LRP4: variants seen among roughly 807,000 people sequenced by gnomAD.
The protein encoded by LRP4 is low-density lipoprotein receptor-related protein 4.
A neutral mutation model predicts 220.3 loss-of-function variants in LRP4; 95 were observed. That is an observed-to-expected ratio of 0.43 (90% CI 0.37 to 0.51). The LOEUF (loss-of-function observed/expected upper bound fraction) is 0.51, where lower values mean the gene tolerates loss of function less well. Among genes scored for constraint, LRP4 ranks in the 20% least tolerant of loss-of-function variants. The pLI is 0.00. For synonymous variants in LRP4, 903 were observed against 954.6 expected (o/e 0.95, Z 1.00); for missense variants, 1,925 against 2,567.0 (o/e 0.75, Z 5.40).
At chr11:46,881,655 A>G in intron 20 of LRP4, 47 bp downstream of exon 20, 1 of 1,567,600 alleles carries the variant, frequency 6.4e-7, no homozygotes, top group Non-Finnish European at 8.7e-7. Context: ...AGGCTGTGGG[A>G]AGATGTTTTA....
intron 1 of LRP4, among the ~76,000 whole-genome samples, chr11:46,913,590 C>CT (rs991606722): frequency 6.6e-4 from 100 of 152,250 alleles, no homozygotes; most frequent in African/African-American, 2.3e-3. Flanking sequence ...CTTATGAGCT[C>CT]TGGAGCCTGA....
At position 46,898,995 on chromosome 11, in the gene LRP4, C is replaced by T. The variant is rs147714102; in HGVS notation, c.585G>A (p.Glu195=). ...TGCAGCGTCCATAGGCACACTGGAACTCCTCCAGGTTGCAGGGGGGCGCTG... is the reference window on the plus strand; with the variant it reads ...TGCAGCGTCCATAGGCACACTGGAATTCCTCCAGGTTGCAGGGGGGCGCTG... ...AVPAPPCNLE[E]FQCAYGRCIL... Residue 195 remains glutamate, a synonymous_variant, in exon 6 of 38, where the codon GAG becomes GAA. Transcript: ENST00000378623. 10 of 1,613,620 alleles carry T rather than the reference C, an allele frequency of 6.2e-6. No individual in the cohort carries two copies. In the African/African-American group the frequency reaches 9.3e-5, roughly 15 times the overall value.
chr11:46,873,116 C>T lies in LRP4; in HGVS notation c.4567G>A (p.Asp1523Asn). The T allele has an allele frequency of 1.9e-6, 3 of 1,614,184 alleles. No individual in the cohort carries two copies. The highest frequency in any genetic ancestry group is 2.5e-6 in the Non-Finnish European group (3 of 1,180,032). Reference protein sequence around the residue: ...DLGWPNGLTLDYDTRRIYWVD... With the variant: ...DLGWPNGLTLNYDTRRIYWVD... ...GACTCCCACCTGCGGGTATCATAGTCCAGGGTAAGGCCATTGGGCCAACCC... is the reference window on the plus strand; with the variant it reads ...GACTCCCACCTGCGGGTATCATAGTTCAGGGTAAGGCCATTGGGCCAACCC... Residue 1523 changes from aspartate to asparagine, a missense_variant, in exon 30 of 38, where the codon GAC becomes AAC. Coordinates refer to ENST00000378623, the MANE Select transcript of LRP4 (RefSeq NM_002334.4). The surrounding 1 kb of genome is among the most constrained non-coding windows in gnomAD (Gnocchi z 4.2).
rs538308547 is a variant in LRP4, at chr11:46,915,121, A to G, written c.52+3207T>C. On this transcript the variant is annotated intron_variant, in intron 1 of 37. Transcript: ENST00000378623. ...ATATTCATCAGGGTACAGAAGAGGA[A>G]ATCCAAAATCAGTGACAAGCCAAGT... is the stretch of plus-strand genomic sequence containing the variant. 2.6e-5 allele frequency among the ~76,000 whole-genome samples: 4 copies of G among 152,318 alleles called. No homozygotes were observed. In the South Asian group the frequency reaches 8.3e-4, roughly 32 times the overall value.
chr11:46,881,691 GCCAC>G lies in LRP4; in HGVS notation c.2814+7_2814+10del. On this transcript the variant is annotated splice_region_variant and intron_variant, in intron 20 of 37. Coordinates refer to ENST00000378623, the MANE Select transcript of LRP4 (RefSeq NM_002334.4). ...GTGCCACCCTTACCTTCCTCTTACT[GCCAC>G]CCTTACCTTCCTCTTACTGCCATCC... 1 of 1,613,226 alleles carries G rather than the reference GCCAC, an allele frequency of 6.2e-7. No individual in the cohort carries two copies. The highest frequency in any genetic ancestry group is 8.5e-7 in the Non-Finnish European group (1 of 1,179,254).
Position 46,918,127 on chromosome 11 carries a change from G to T in LRP4, c.52+201C>A, listed in dbSNP as rs1941979477. Among the ~76,000 whole-genome samples the T allele has an allele frequency of 6.6e-6, 1 of 151,656 alleles. No homozygotes were observed. Among genetic ancestry groups the T allele is most frequent in the Non-Finnish European group, 1.5e-5 (1 of 67,866 alleles). Reference sequence around the variant, plus strand: ...GCCCCGGCCCAGACCCGAACCCGCGGAAGCGCCTCCGCTGATGCCCCCGCT... The same window carrying T: ...GCCCCGGCCCAGACCCGAACCCGCGTAAGCGCCTCCGCTGATGCCCCCGCT... On this transcript the variant is annotated intron_variant, in intron 1 of 37. Coordinates refer to ENST00000378623, the MANE Select transcript of LRP4 (RefSeq NM_002334.4). The surrounding 1 kb of genome is among the most constrained non-coding windows in gnomAD (Gnocchi z 6.0).
rs1417447838 is a variant in LRP4 at position 46,899,731 on chromosome 11, C to T, written c.430+132G>A. The T allele has an allele frequency of 2.4e-5, 21 of 871,796 alleles. No individual in the cohort carries two copies. Among genetic ancestry groups the T allele is most frequent in the Admixed American group, 1.8e-4 (10 of 56,772 alleles). 54.0% of individuals were successfully genotyped at this position (871,796 alleles called of 1,614,324 possible). On this transcript the variant is annotated intron_variant, in intron 4 of 37. Coordinates refer to ENST00000378623, the MANE Select transcript of LRP4 (RefSeq NM_002334.4). This position sits in a 1 kb window ranked among gnomAD's most constrained non-coding sequence, Gnocchi z 5.9. ...GGTCTGAGCGGCTCTGCCCCCTCTG[C>T]GTTCCTCTAGCTGCTCCAGATATCT...
Position 46,875,221 on chromosome 11 carries a change from G to T in LRP4, c.3926-118C>A. On this transcript the variant is annotated intron_variant, in intron 27 of 37. Coordinates refer to ENST00000378623, the MANE Select transcript of LRP4 (RefSeq NM_002334.4). The surrounding 1 kb of genome is among the most constrained non-coding windows in gnomAD (Gnocchi z 4.5). The stretch of plus-strand genomic sequence containing the variant: ...TTCTAAGTGACAGGATTCAGTGCCT[G>T]GCAGGGTGAGGTAGAAGGAGGGTCT... 9.0e-7 allele frequency: 1 copy of T among 1,111,580 alleles called. No individual in the cohort carries two copies. Among genetic ancestry groups the T allele is most frequent in the Non-Finnish European group, 1.3e-6 (1 of 759,290 alleles). The allele number at this position is 1,111,580 out of a possible 1,614,324, so 68.9% of individuals were successfully genotyped here. A position where few individuals can be genotyped will look rare whatever the true frequency, so the allele number is the denominator to read the frequency against.
intron 15 of LRP4, 138 bp from the exon 16 acceptor site, chr11:46,889,671 C>T: frequency 2.5e-6 from 3 of 1,184,190 alleles, no homozygotes; most frequent in South Asian, 1.3e-5. Context: ...TCTGCCCCTG[C>T]TGCTAGCACA....
At chr11:46,895,684 C>G (rs1318374029) in intron 10 of LRP4, among the ~76,000 whole-genome samples, 200 bp downstream of exon 10, 2 of 152,220 alleles carry the variant, frequency 1.3e-5, no homozygotes, top group East Asian at 1.9e-4. Flanking sequence ...AGCTGTGTGG[C>G]CTTTGGTAAG....
chr11:46,902,829 A>G lies in LRP4; in HGVS notation c.153T>C (p.Cys51=). The G allele has an allele frequency of 1.2e-6, 2 of 1,613,960 alleles. No homozygotes were observed. The highest frequency in any genetic ancestry group is 1.7e-6 in the Non-Finnish European group (2 of 1,179,990). Residue 51 remains cysteine, a synonymous_variant, in exon 2 of 38, where the codon TGT becomes TGC. Transcript: ENST00000378623. ...GGTCCCCGCAGTCATTGTCTCCATC[A>G]CACTGCCACTGGGCAGGGATGCAGG... ...ECTCIPAQWQ[C]DGDNDCGDHS...
Position 46,874,939 on chromosome 11 carries a change from T to C in LRP4, c.4090A>G (p.Ile1364Val), listed in dbSNP as rs1940968335. The C allele has an allele frequency of 1.2e-6, 2 of 1,614,164 alleles. No individual in the cohort carries two copies. Among genetic ancestry groups the C allele is most frequent in the East Asian group, 2.2e-5 (1 of 44,878 alleles). ...TYLLFSSRGS[I>V]RRISLDTSDH... ...CTGGTGTCCAGTGAGATACGCCGGA[T>C]GGAGCCACGGCTGGAGAAGAGCAGG... is the stretch of plus-strand genomic sequence containing the variant. Residue 1364 changes from isoleucine to valine, a missense_variant, in exon 28 of 38, where the codon ATC becomes GTC. By Grantham distance (29) the Ile-to-Val change is conservative. This residue lies in a region of LRP4 where 1,244 missense variants were observed against 1,624.9 expected (regional missense o/e 0.77). Coordinates refer to ENST00000378623, the MANE Select transcript of LRP4 (RefSeq NM_002334.4).
At chr11:46,891,325 G>A (rs1181173473) in intron 13 of LRP4, among the ~76,000 whole-genome samples, 2 of 151,864 alleles carry the variant, frequency 1.3e-5, no homozygotes, top group African/African-American at 4.8e-5. Flanking sequence ...TGTTGGCCAG[G>A]CTGGTCTCAA....
At chr11:46,915,690 T>G (rs577318772) in intron 1 of LRP4, among the ~76,000 whole-genome samples, 1 of 152,282 alleles carries the variant, frequency 6.6e-6, no homozygotes, top group African/African-American at 2.4e-5. Flanking sequence ...ACTACAGGCA[T>G]GTGCCACTGT....
rs189768863 is a variant in LRP4 at position 46,895,340 on chromosome 11, C to A, written c.1184-49G>T. The A allele has an allele frequency of 9.7e-3, 15,581 of 1,605,272 alleles. 105 individuals carry two copies. The highest frequency in any genetic ancestry group is 0.013 in the Middle Eastern group (78 of 6,058). On this transcript the variant is annotated intron_variant, in intron 10 of 37. Coordinates refer to ENST00000378623, the MANE Select transcript of LRP4 (RefSeq NM_002334.4). Reference sequence around the variant, plus strand: ...AGATCTCCCTTCTGTCGTCCTCCCACTCCCGCTCCCAGGCTGCCGAGCTGC... The same window carrying A: ...AGATCTCCCTTCTGTCGTCCTCCCAATCCCGCTCCCAGGCTGCCGAGCTGC...
intron 1 of LRP4, among the ~76,000 whole-genome samples, chr11:46,906,914 C>T (rs1293538312): frequency 2.0e-5 from 3 of 152,148 alleles, no homozygotes; most frequent in African/African-American, 4.8e-5. Context: ...GGGCAGCCAC[C>T]GGTCAGGCAA....
chr11:46,867,523 G>A (rs1382492426), intron 34 of LRP4, among the ~76,000 whole-genome samples: 12 of 152,134 alleles, frequency 7.9e-5, no homozygotes, highest in Non-Finnish European at 1.5e-4. Flanking sequence ...GTGTAATGGC[G>A]CGATCTCGGC....
intron 16 of LRP4, among the ~76,000 whole-genome samples, chr11:46,887,060 G>A (rs1309583619): frequency 6.6e-6 from 1 of 152,114 alleles, no homozygotes; most frequent in Non-Finnish European, 1.5e-5. Context: ...CCATTTTCTA[G>A]ACGAGCAACC....
At position 46,918,410 on chromosome 11, in the gene LRP4, C is replaced by A; in HGVS notation, c.-31G>T. 1 of 1,348,298 alleles carries A rather than the reference C, an allele frequency of 7.4e-7. No homozygotes were observed. Among genetic ancestry groups the A allele is most frequent in the South Asian group, 1.8e-5 (1 of 54,818 alleles). 83.5% of individuals were successfully genotyped at this position (1,348,298 alleles called of 1,614,324 possible). The stretch of plus-strand genomic sequence containing the variant: ...CGCCCGCGCCGCTCGCCCGGGGTCC[C>A]GCCGGCTCCCGCCGGACGGCGCGGC... On this transcript the variant is annotated 5_prime_UTR_variant, in exon 1 of 38. Coordinates refer to ENST00000378623, the MANE Select transcript of LRP4 (RefSeq NM_002334.4). This position sits in a 1 kb window ranked among gnomAD's most constrained non-coding sequence, Gnocchi z 6.0.
Sources: gnomAD v4.1 joint callset for allele counts (sites outside exome capture counted in the v4.1 genomes callset) on GRCh38, gnomAD v4.1.1 for gene constraint, gnomAD v4.1.1 regional missense constraint, Gnocchi (gnomAD v3.1) non-coding constraint, MANE v1.5 for transcripts, NCBI Gene and HGNC (gene_info 2026-07-23, HGNC 2026-07-21) for gene names.